TMPRSS15: variants seen among roughly 807,000 people sequenced by gnomAD.
The protein encoded by TMPRSS15 is enteropeptidase.
In TMPRSS15, 128 loss-of-function variants were observed where a neutral mutation model predicts 125.3. That is an observed-to-expected ratio of 1.02 (90% CI 0.89 to 1.18). The LOEUF (loss-of-function observed/expected upper bound fraction) is 1.18, where lower values mean the gene tolerates loss of function less well. Among genes scored for constraint, TMPRSS15 ranks in the 50% most tolerant of loss-of-function variants. TMPRSS15 has a pLI of 0.00. For synonymous variants in TMPRSS15, 446 were observed against 423.2 expected, an observed-to-expected ratio of 1.05 and a Z score of -0.66; for missense variants, 1,283 against 1,212.7, an observed-to-expected ratio of 1.06 and a Z score of -0.86.
At chr21:18,292,590 T>A (rs1424012196) in intron 21 of TMPRSS15, among the ~76,000 whole-genome samples, 1 of 152,190 alleles carries the variant, frequency 6.6e-6, no homozygotes, top group East Asian at 1.9e-4. Context: ...ACTGCGAGCC[T>A]GATTGATGTT....
intron 1 of TMPRSS15, among the ~76,000 whole-genome samples, chr21:18,443,474 C>T (rs1322715277): frequency 6.6e-6 from 1 of 152,212 alleles, no homozygotes; most frequent in Non-Finnish European, 1.5e-5. Flanking sequence ...TGAGAGAATC[C>T]TCCTGGCATC....
intron 1 of TMPRSS15, among the ~76,000 whole-genome samples, chr21:18,467,817 C>A (rs902181367): frequency 2.6e-5 from 4 of 151,816 alleles, no homozygotes; most frequent in African/African-American, 4.8e-5. Context: ...TGGATGCTAC[C>A]AATAAACGAA....
At chr21:18,332,615 G>A (rs1351223616) in intron 13 of TMPRSS15, among the ~76,000 whole-genome samples, 2 of 152,196 alleles carry the variant, frequency 1.3e-5, no homozygotes, top group South Asian at 2.1e-4. Context: ...ACAGTTTGTG[G>A]GAAAAAATGA....
intron 21 of TMPRSS15, among the ~76,000 whole-genome samples, chr21:18,290,502 T>G (rs1298704664): frequency 1.4e-5 from 2 of 140,058 alleles, no homozygotes; most frequent in African/African-American, 2.8e-5. Context: ...AGCTTGAGGG[T>G]TTTTTTTTTT....
Position 18,288,915 on chromosome 21 carries a change from A to G in TMPRSS15, c.2486+5355T>C, listed in dbSNP as rs141483815. Among the ~76,000 whole-genome samples the G allele has an allele frequency of 3.9e-5, 6 of 152,284 alleles. No individual in the cohort carries two copies. In the East Asian group the frequency reaches 9.7e-4, roughly 25 times the overall value. On this transcript the variant is annotated intron_variant, in intron 21 of 24. Coordinates refer to ENST00000284885, the MANE Select transcript of TMPRSS15 (RefSeq NM_002772.3). The stretch of plus-strand genomic sequence containing the variant: ...GTATTTCTTCAATCTGAAGAACATT[A>G]TATATTACAAGCCTAACTCCCTAGA...
chr21:18,306,577 C>T (rs369451085), intron 18 of TMPRSS15, among the ~76,000 whole-genome samples: 113 of 152,198 alleles, frequency 7.4e-4, no homozygotes, highest in African/African-American at 2.5e-3. Flanking sequence ...ACACCAATTC[C>T]TCATAGGCCA....
chr21:18,351,037 T>C (rs2075563424), intron 10 of TMPRSS15, among the ~76,000 whole-genome samples: 1 of 152,092 alleles, frequency 6.6e-6, no homozygotes, highest in Non-Finnish European at 1.5e-5. Flanking sequence ...TCTAGGGATA[T>C]CATTCTCTAA....
chr21:18,326,238 G>T (rs950421847), intron 16 of TMPRSS15, among the ~76,000 whole-genome samples, 194 bp downstream of exon 16: 5 of 152,082 alleles, frequency 3.3e-5, no homozygotes, highest in African/African-American at 7.2e-5. Flanking sequence ...AACTTTTGTG[G>T]CTGCCTACTT....
chr21:18,286,796 C>T (rs2074769870), intron 21 of TMPRSS15, among the ~76,000 whole-genome samples: 1 of 152,184 alleles, frequency 6.6e-6, no homozygotes, highest in African/African-American at 2.4e-5. Context: ...TGAGACCTCT[C>T]CAGGGCTCGA....
chr21:18,375,024 T>C (rs1218778807), intron 5 of TMPRSS15, among the ~76,000 whole-genome samples: 4 of 152,156 alleles, frequency 2.6e-5, no homozygotes, highest in African/African-American at 9.7e-5. Flanking sequence ...GAAACTTGAG[T>C]CTAGTTGGAA....
chr21:18,288,622 C>T (rs949442059), intron 21 of TMPRSS15, among the ~76,000 whole-genome samples: 1 of 136,006 alleles, frequency 7.4e-6, no homozygotes, highest in African/African-American at 2.8e-5. Flanking sequence ...CTCACCACAA[C>T]CTTCGCCTCC....
At chr21:18,398,133 A>C in intron 2 of TMPRSS15, 66 bp downstream of exon 2, 1 of 1,564,254 alleles carries the variant, frequency 6.4e-7, no homozygotes, top group Non-Finnish European at 8.8e-7. Flanking sequence ...CACAGTGAGA[A>C]AATGGTGTTT....
At chr21:18,337,930 T>G (rs911929568) in intron 13 of TMPRSS15, among the ~76,000 whole-genome samples, 1 of 152,202 alleles carries the variant, frequency 6.6e-6, no homozygotes, top group African/African-American at 2.4e-5. Flanking sequence ...AAATATTGTC[T>G]TGAAGTGAAC....
At chr21:18,375,972 A>G (rs114123996) in intron 5 of TMPRSS15, among the ~76,000 whole-genome samples, 128 of 152,314 alleles carry the variant, frequency 8.4e-4, no homozygotes, top group African/African-American at 2.9e-3. Flanking sequence ...TGGTTTGGAA[A>G]TCATAGATTT....
At chr21:18,381,555 C>A (rs1313525117) in intron 4 of TMPRSS15, among the ~76,000 whole-genome samples, 1 of 152,058 alleles carries the variant, frequency 6.6e-6, no homozygotes, top group Non-Finnish European at 1.5e-5. Flanking sequence ...TTAAATGTAA[C>A]TTCTACTTGT....
chr21:18,478,862 T>C (rs1978927361), intron 1 of TMPRSS15, among the ~76,000 whole-genome samples: 1 of 152,022 alleles, frequency 6.6e-6, no homozygotes, highest in Non-Finnish European at 1.5e-5. Context: ...GTTTTGACCA[T>C]GTTTCTCTAT....
At chr21:18,385,607 T>C (rs775072498) in intron 3 of TMPRSS15, among the ~76,000 whole-genome samples, 1 of 152,154 alleles carries the variant, frequency 6.6e-6, no homozygotes, top group Non-Finnish European at 1.5e-5. Flanking sequence ...CTTGAGACCA[T>C]GAGTGAGGCC....
In TMPRSS15 at chr21:18,297,880, G is replaced by A. The variant is rs936086094; in HGVS notation, c.2166-51C>T. 5.0e-6 allele frequency: 7 copies of A among 1,403,172 alleles called. No homozygotes were observed. In the African/African-American group the frequency reaches 9.9e-5, roughly 20 times the overall value. The allele number at this position is 1,403,172 out of a possible 1,614,324, so 86.9% of individuals were successfully genotyped here. ...AGACAAAACAAAAGCATAAAGAAAA[G>A]ACCATAAGTTAGACTTTCAGTTCCT... On this transcript the variant is annotated intron_variant, in intron 18 of 24. Transcript: ENST00000284885.
At chr21:18,445,334 C>T (rs13052187) in intron 1 of TMPRSS15, among the ~76,000 whole-genome samples, 57,087 of 151,428 alleles carry the variant, frequency 0.38, 11,487 homozygotes, top group Middle Eastern at 0.5. Context: ...TCATGCACCA[C>T]CACTCCTGGC....
Sources: gnomAD v4.1 joint callset for allele counts (sites outside exome capture counted in the v4.1 genomes callset) on GRCh38, gnomAD v4.1.1 for gene constraint, MANE v1.5 for transcripts, NCBI Gene and HGNC (gene_info 2026-07-23, HGNC 2026-07-21) for gene names.